The following SURF2 variants were observed in gnomAD, a reference collection of about 807,000 sequenced individuals.
SURF2 encodes surfeit locus protein 2.
A neutral mutation model predicts 26.2 loss-of-function variants in SURF2; 32 were observed. That is an observed-to-expected ratio of 1.22 (90% CI 0.92 to 1.64). The LOEUF is 1.64. SURF2 is among the 40% of genes most tolerant of loss of function. The probability of loss-of-function intolerance (pLI) is 0.00; values close to 1 mark genes in which losing one functional copy is unlikely to be tolerated. For missense variants in SURF2, 415 were observed against 341.6 expected (o/e 1.21, Z -1.69); for synonymous variants, 173 against 139.1 (o/e 1.24, Z -1.71).
At chr9:133,359,060 CAG>C (rs1271244115) in intron 3 of SURF2, among the ~76,000 whole-genome samples, 4 of 152,162 alleles carry the variant, frequency 2.6e-5, no homozygotes, top group Non-Finnish European at 5.9e-5. Context: ...GTTAGCTGCT[CAG>C]GGGTGGGCAG....
chr9:133,360,507 G>T, intron 5 of SURF2, 73 bp downstream of exon 5: 1 of 1,438,734 alleles, frequency 7.0e-7, no homozygotes, highest in Non-Finnish European at 9.1e-7. Context: ...TTTAAAAAAA[G>T]AAAACTGAAC....
In SURF2 at chr9:133,357,074, T is replaced by A; in HGVS notation, c.233+6T>A. The A allele has an allele frequency of 6.4e-7, 1 of 1,561,964 alleles. No individual in the cohort carries two copies. Among genetic ancestry groups the A allele is most frequent in the East Asian group, 2.4e-5 (1 of 42,172 alleles). On this transcript the variant is annotated splice_donor_region_variant and intron_variant, in intron 2 of 5. Coordinates refer to ENST00000371964, the MANE Select transcript of SURF2 (RefSeq NM_017503.5). ...GTGCCCAGCACCAAGAACCCGTAGGTGGTCCGCGGCGGCGCGGGGAGGCCC... is the reference window on the plus strand; with the variant it reads ...GTGCCCAGCACCAAGAACCCGTAGGAGGTCCGCGGCGGCGCGGGGAGGCCC...
chr9:133,360,181 C>T, intron 4 of SURF2, 52 bp downstream of exon 4: 4 of 1,590,418 alleles, frequency 2.5e-6, no homozygotes, highest in Non-Finnish European at 3.4e-6. Flanking sequence ...CAGCAGGGAG[C>T]AGACTGTGGT....
intron 5 of SURF2, 37 bp from the exon 6 acceptor site, chr9:133,361,019 G>A (rs893410071): frequency 1.1e-5 from 18 of 1,611,334 alleles, no homozygotes; most frequent in Non-Finnish European, 1.5e-5. Flanking sequence ...CATGGGATCA[G>A]AAAGGCTCAG....
rs2130046627 is a variant in SURF2 at position 133,360,034 on chromosome 9, G to T, written c.422G>T (p.Gly141Val). ...RRRRREDQMD[G>V]DGPRPREAFW... ...AGGAGGAGGGAGGACCAGATGGACGGTGACGGGCCTCGCCCGCGGGAAGCC... is the reference window on the plus strand; with the variant it reads ...AGGAGGAGGGAGGACCAGATGGACGTTGACGGGCCTCGCCCGCGGGAAGCC... The change falls in exon 4 of 6, where the codon GGT (glycine) becomes GTT (valine). Residue 141 changes from glycine to valine, a missense_variant. Coordinates refer to ENST00000371964, the MANE Select transcript of SURF2 (RefSeq NM_017503.5). 1 of 1,614,104 alleles carries T rather than the reference G, an allele frequency of 6.2e-7. No individual in the cohort carries two copies. Among genetic ancestry groups the T allele is most frequent in the East Asian group, 2.2e-5 (1 of 44,886 alleles).
intron 2 of SURF2, among the ~76,000 whole-genome samples, 185 bp from the exon 3 acceptor site, chr9:133,357,526 G>C (rs1196259775): frequency 6.6e-6 from 1 of 152,218 alleles, no homozygotes; most frequent in Non-Finnish European, 1.5e-5. Flanking sequence ...AACATTAAGA[G>C]GCTGCAGTCG....
At chr9:133,361,023 G>C in intron 5 of SURF2, 33 bp from the exon 6 acceptor site, 2 of 1,612,050 alleles carry the variant, frequency 1.2e-6, no homozygotes, top group Non-Finnish European at 1.7e-6. Context: ...GGATCAGAAA[G>C]GCTCAGTAAT....
chr9:133,360,962 T>G (rs1836759847), intron 5 of SURF2, 94 bp from the exon 6 acceptor site: 2 of 1,322,976 alleles, frequency 1.5e-6, no homozygotes, highest in Non-Finnish European at 2.2e-6. Context: ...CCGACACCTC[T>G]GAGGCTGTGT....
At position 133,357,822 on chromosome 9, in the gene SURF2, C is replaced by T; in HGVS notation, c.337+8C>T. ...AGCGAGCTCTGTGTAAATGTAAGTC[C>T]CAGTGGACCCCCATCAGTGCATCGC... On this transcript the variant is annotated splice_region_variant and intron_variant, in intron 3 of 5. Coordinates refer to ENST00000371964, the MANE Select transcript of SURF2 (RefSeq NM_017503.5). 1.2e-6 allele frequency: 2 copies of T among 1,612,618 alleles called. No individual in the cohort carries two copies. Among genetic ancestry groups the T allele is most frequent in the Non-Finnish European group, 8.5e-7 (1 of 1,179,638 alleles).
At position 133,359,942 on chromosome 9, in the gene SURF2, T is replaced by C. The variant is rs150009321; in HGVS notation, c.338-8T>C. On this transcript the variant is annotated splice_polypyrimidine_tract_variant and splice_region_variant and intron_variant, in intron 3 of 5. Transcript: ENST00000371964. ...GAGGTACCCAGCACGTGCTGGCTTA[T>C]CTCCCAGATGAAGAATGTCAGAAGC... The C allele has an allele frequency of 4.7e-5, 76 of 1,604,116 alleles. No individual in the cohort carries two copies. In the East Asian group the frequency reaches 1.3e-3, roughly 26 times the overall value.
Position 133,357,830 on chromosome 9 carries a change from C to T in SURF2, c.337+16C>T, listed in dbSNP as rs2130037205. ...CTGTGTAAATGTAAGTCCCAGTGGA[C>T]CCCCATCAGTGCATCGCCATCTGAG... On this transcript the variant is annotated intron_variant, in intron 3 of 5. Transcript: ENST00000371964. 133 of 1,611,296 alleles carry T rather than the reference C, an allele frequency of 8.3e-5. No individual in the cohort carries two copies. In the Middle Eastern group the frequency reaches 1.2e-3, roughly 14 times the overall value.
rs1445363318 is a variant in SURF2, at chr9:133,356,629, C to T, written c.37C>T (p.Arg13Trp). Residue 13 changes from arginine to tryptophan, a missense_variant, in exon 1 of 6, where the codon CGG becomes TGG. Transcript: ENST00000371964. ...GCCGGGCGACGTGCGGGCGTTTCTGCGGGAGCACCCGAGCCTGCGGCTCCA... is the reference window on the plus strand; with the variant it reads ...GCCGGGCGACGTGCGGGCGTTTCTGTGGGAGCACCCGAGCCTGCGGCTCCA... ...ELPGDVRAFL[R>W]EHPSLRLQTD... is the part of the protein sequence containing the mutation. 5.2e-6 allele frequency: 8 copies of T among 1,525,888 alleles called. No individual in the cohort carries two copies. The highest frequency in any genetic ancestry group is 6.1e-6 in the Non-Finnish European group (7 of 1,143,546). The allele number at this position is 1,525,888 out of a possible 1,614,324, so 94.5% of individuals were successfully genotyped here.
At chr9:133,359,785 A>G (rs1836704901) in intron 3 of SURF2, among the ~76,000 whole-genome samples, 165 bp from the exon 4 acceptor site, 1 of 152,176 alleles carries the variant, frequency 6.6e-6, no homozygotes. Flanking sequence ...CCCTCCCTGC[A>G]CACCTGGTAG....
At position 133,357,782 on chromosome 9, in the gene SURF2, AG is replaced by A; in HGVS notation, c.308del (p.Gly103AlafsTer65). 6.2e-7 allele frequency: 1 copy of A among 1,613,732 alleles called. No individual in the cohort carries two copies. The highest frequency in any genetic ancestry group is 8.5e-7 in the Non-Finnish European group (1 of 1,180,016). ...KCPEHVLRHTQGRRYQRALCK... is the reference protein window; with the variant it reads ...KCPEHVLRHTXGRRYQRALCK... Reference sequence around the variant, plus strand: ...CCAGAACACGTGCTGAGGCACACCCAGGGCCGGCGGTACCAGCGAGCTCTGT... The same window carrying A: ...CCAGAACACGTGCTGAGGCACACCCAGGCCGGCGGTACCAGCGAGCTCTGT... On this transcript the variant is annotated frameshift_variant, in exon 3 of 6. Transcript: ENST00000371964. LOFTEE classifies it high-confidence loss of function.
At chr9:133,361,031 A>T in intron 5 of SURF2, 25 bp from the exon 6 acceptor site, 1 of 1,613,276 alleles carries the variant, frequency 6.2e-7, no homozygotes, top group Non-Finnish European at 8.5e-7. Flanking sequence ...AAGGCTCAGT[A>T]ATCAGAATTT....
intron 3 of SURF2, among the ~76,000 whole-genome samples, chr9:133,358,747 G>A (rs1332241478): frequency 1.3e-5 from 2 of 152,220 alleles, no homozygotes; most frequent in East Asian, 3.8e-4. Context: ...AGCGTAGGCT[G>A]CAGCCCATGA....
At chr9:133,360,940 G>GTGGGTATT in intron 5 of SURF2, 116 bp from the exon 6 acceptor site, 1 of 1,054,492 alleles carries the variant, frequency 9.5e-7, no homozygotes, top group East Asian at 2.4e-5. Flanking sequence ...GAAAGCCTCT[G>GTGGGTATT]TGGGTATTTG....
In SURF2 at chr9:133,357,758, C is replaced by T; in HGVS notation, c.281C>T (p.Pro94Leu). The T allele has an allele frequency of 6.2e-7, 1 of 1,613,820 alleles. No individual in the cohort carries two copies. Among genetic ancestry groups the T allele is most frequent in the Non-Finnish European group, 8.5e-7 (1 of 1,180,032 alleles). The change falls in exon 3 of 6, where the codon CCA becomes CTA. Residue 94 changes from proline (P) to leucine (L), a missense_variant. Pro to Leu is a moderately conservative substitution (Grantham distance 98). Coordinates refer to ENST00000371964, the MANE Select transcript of SURF2 (RefSeq NM_017503.5). ...ACCCTGCGGCACATCAACAAGTGCC[C>T]AGAACACGTGCTGAGGCACACCCAG... Reference protein sequence around the residue: ...KLTLRHINKCPEHVLRHTQGR... With the variant: ...KLTLRHINKCLEHVLRHTQGR...
intron 3 of SURF2, 58 bp downstream of exon 3, chr9:133,357,872 C>T: frequency 6.5e-7 from 1 of 1,544,622 alleles, no homozygotes; most frequent in Non-Finnish European, 8.9e-7. Flanking sequence ...CCCGCCTTGC[C>T]CCAGATGGAG....
Sources: allele counts gnomAD v4.1 joint callset (sites outside exome capture counted in the v4.1 genomes callset), GRCh38; gene constraint gnomAD v4.1.1; transcripts MANE v1.5; gene names NCBI Gene and HGNC (gene_info 2026-07-23, HGNC 2026-07-21).